The following KLF8 variants were observed in gnomAD, a reference collection of about 807,000 sequenced individuals.
The protein encoded by KLF8 is Krueppel-like factor 8.
A neutral mutation model predicts 18.2 loss-of-function variants in KLF8; 10 were observed. The observed-to-expected ratio is 0.55, with a 90% CI of 0.34 to 0.93. KLF8 has a LOEUF of 0.93. KLF8 is among the 40% of genes least tolerant of loss of function. The probability of loss-of-function intolerance (pLI) is 0.02; values close to 1 mark genes in which losing one functional copy is unlikely to be tolerated. For synonymous variants in KLF8, 109 were observed against 97.3 expected (o/e 1.12, Z -0.71); for missense variants, 264 against 277.9 (o/e 0.95, Z 0.36).
the KLF8 span, among the ~76,000 whole-genome samples, chrX:56,160,100 A>T: frequency 9.0e-6 from 1 of 111,419 alleles, no homozygotes. Context: ...CTTTGTTCTC[A>T]TTGGTTTCAA....
the KLF8 span, among the ~76,000 whole-genome samples, chrX:56,052,827 C>T: frequency 1.8e-5 from 2 of 111,842 alleles, no homozygotes; most frequent in Non-Finnish European, 3.8e-5. Context: ...CTTTGTTTAC[C>T]TAATCAAGCC....
chrX:56,257,099 T>C (rs2066807874), intron 2 of KLF8, among the ~76,000 whole-genome samples: 1 of 111,697 alleles, frequency 9.0e-6, no homozygotes, highest in African/African-American at 3.3e-5. Flanking sequence ...GTGTATGGTG[T>C]TTGTATAGTT....
the KLF8 span, among the ~76,000 whole-genome samples, chrX:56,145,085 G>A: frequency 1.3e-3 from 144 of 110,957 alleles, no homozygotes; most frequent in African/African-American, 4.5e-3. Flanking sequence ...GAGCCACAGC[G>A]CCCAGCCAGA....
At chrX:56,059,827 G>T in the KLF8 span, among the ~76,000 whole-genome samples, 1 of 111,638 alleles carries the variant, frequency 9.0e-6, no homozygotes, top group Non-Finnish European at 1.9e-5. Flanking sequence ...GATTGTCTTG[G>T]CAATATGGGC....
the KLF8 span, among the ~76,000 whole-genome samples, chrX:56,083,645 C>T: frequency 1.8e-5 from 2 of 111,973 alleles, no homozygotes; most frequent in Middle Eastern, 4.6e-3. Flanking sequence ...TTCTGGGCCA[C>T]AGATTAGTAC....
chrX:56,126,466 T>G, the KLF8 span, among the ~76,000 whole-genome samples: 4 of 111,870 alleles, frequency 3.6e-5, no homozygotes, highest in Non-Finnish European at 7.5e-5. Context: ...TAGAGTGATT[T>G]TGTTTTAACC....
At chrX:56,060,072 T>G in the KLF8 span, among the ~76,000 whole-genome samples, 1 of 111,693 alleles carries the variant, frequency 9.0e-6, no homozygotes, top group Non-Finnish European at 1.9e-5. Context: ...CTTGTCAGCT[T>G]AAGGAGATTT....
chrX:56,170,133 T>A, the KLF8 span, among the ~76,000 whole-genome samples: 2 of 111,335 alleles, frequency 1.8e-5, no homozygotes, highest in Non-Finnish European at 3.8e-5. Context: ...ATTAGTGGAC[T>A]TGGGGTGCCC....
At chrX:56,023,082 A>G in the KLF8 span, among the ~76,000 whole-genome samples, 1 of 111,537 alleles carries the variant, frequency 9.0e-6, no homozygotes, top group African/African-American at 3.3e-5. Context: ...ATATTTAAAT[A>G]TGTAATTTAT....
chrX:56,129,352 A>G, the KLF8 span, among the ~76,000 whole-genome samples: 1 of 112,039 alleles, frequency 8.9e-6, no homozygotes, highest in East Asian at 2.8e-4. Flanking sequence ...GTGAGTGCCT[A>G]AACTGGGAAA....
chrX:56,172,020 C>T, the KLF8 span, among the ~76,000 whole-genome samples: 3 of 111,606 alleles, frequency 2.7e-5, no homozygotes, highest in Non-Finnish European at 5.7e-5. Flanking sequence ...TTCTCCACAT[C>T]CTCTCTAGCA....
chrX:56,140,963 C>A, the KLF8 span, among the ~76,000 whole-genome samples: 3 of 110,968 alleles, frequency 2.7e-5, no homozygotes, highest in East Asian at 5.6e-4. Flanking sequence ...GTTTACTTTG[C>A]ATTTGTTAAC....
At chrX:56,276,423 G>A (rs769673143) in intron 5 of KLF8, among the ~76,000 whole-genome samples, 1 of 111,358 alleles carries the variant, frequency 9.0e-6, no homozygotes, top group Admixed American at 9.5e-5. Context: ...AGCATTTCTT[G>A]TAGGATGAGC....
At chrX:56,001,003 A>G in the KLF8 span, among the ~76,000 whole-genome samples, 1 of 111,767 alleles carries the variant, frequency 8.9e-6, no homozygotes, top group Non-Finnish European at 1.9e-5. Context: ...GACAGAGTAA[A>G]TAGGCAAGAA....
At chrX:56,170,472 C>A in the KLF8 span, among the ~76,000 whole-genome samples, 1 of 109,964 alleles carries the variant, frequency 9.1e-6, no homozygotes, top group East Asian at 2.9e-4. Flanking sequence ...TTCTGTCAGA[C>A]AAATGTAACA....
the KLF8 span, among the ~76,000 whole-genome samples, chrX:55,933,240 T>C: frequency 2.7e-5 from 3 of 111,989 alleles, no homozygotes; most frequent in Admixed American, 9.5e-5. Flanking sequence ...TCTTTTCCCA[T>C]ATGACTATAT....
the KLF8 span, among the ~76,000 whole-genome samples, chrX:56,110,907 T>C: frequency 1.8e-5 from 2 of 111,812 alleles, no homozygotes; most frequent in Non-Finnish European, 3.8e-5. Context: ...ATTTATATAG[T>C]TACCTTTACT....
At chrX:56,153,222 A>C in the KLF8 span, among the ~76,000 whole-genome samples, 1 of 110,935 alleles carries the variant, frequency 9.0e-6, no homozygotes, top group Non-Finnish European at 1.9e-5. Context: ...TTACCTGGGC[A>C]TGGAGGTGCA....
the KLF8 span, among the ~76,000 whole-genome samples, chrX:56,206,683 G>T: frequency 1.8e-5 from 2 of 112,117 alleles, no homozygotes; most frequent in African/African-American, 6.5e-5. Context: ...CTGGTGTTGT[G>T]CCTGTAGCTT....
Sources: allele counts gnomAD v4.1 joint callset (sites outside exome capture counted in the v4.1 genomes callset), GRCh38; gene constraint gnomAD v4.1.1; transcripts MANE v1.5; gene names NCBI Gene and HGNC (gene_info 2026-07-23, HGNC 2026-07-21).